KCNQ3: variants seen among roughly 807,000 people sequenced by gnomAD.
The protein encoded by KCNQ3 is potassium voltage-gated channel subfamily Q member 3.
In KCNQ3, 30 loss-of-function variants were observed where a neutral mutation model predicts 92.5. The ratio of observed to expected loss-of-function variants is 0.32; its 90% CI spans 0.24 to 0.44. The LOEUF (loss-of-function observed/expected upper bound fraction) is 0.44. Ranked by LOEUF, KCNQ3 falls within the 20% of genes least tolerant of loss-of-function variation. The pLI is 1.00. For missense variants in KCNQ3, 913 were observed against 1,140.3 expected (o/e 0.80, Z 2.87); for synonymous variants, 450 against 468.8 (o/e 0.96, Z 0.52).
At position 132,445,735 on chromosome 8, in the gene KCNQ3, A is replaced by G. The variant is rs905357535; in HGVS notation, c.386+34412T>C. Among the ~76,000 whole-genome samples, 36 of 133,162 alleles carry G rather than the reference A, an allele frequency of 2.7e-4. No individual in the cohort carries two copies. The Admixed American group carries it at 3.4e-3, about 13-fold the overall frequency. The allele number at this position is 133,162 out of a possible 152,430, so 87.4% of individuals were successfully genotyped here. ...ATTTACTGAGCTCTTACTATGTGTC[A>G]GGCATTTCCCATACAGAATCCTATT... On this transcript the variant is annotated intron_variant, in intron 1 of 14. Coordinates refer to ENST00000388996, the MANE Select transcript of KCNQ3 (RefSeq NM_004519.4).
intron 1 of KCNQ3, among the ~76,000 whole-genome samples, chr8:132,289,739 A>G (rs1004508858): frequency 2.0e-5 from 3 of 152,176 alleles, no homozygotes; most frequent in South Asian, 2.1e-4. Flanking sequence ...AAATATATAA[A>G]TGAAAATATT....
At chr8:132,244,361 A>G (rs938328819) in intron 1 of KCNQ3, among the ~76,000 whole-genome samples, 1 of 152,050 alleles carries the variant, frequency 6.6e-6, no homozygotes, top group African/African-American at 2.4e-5. Flanking sequence ...TTTTTAAGAA[A>G]GAAAAAGAGA....
intron 1 of KCNQ3, among the ~76,000 whole-genome samples, chr8:132,293,852 TA>T (rs371431212): frequency 6.6e-6 from 1 of 152,302 alleles, no homozygotes; most frequent in Non-Finnish European, 1.5e-5. Flanking sequence ...CTTGCTCATG[TA>T]TCTTGGGATT....
chr8:132,305,711 A>C (rs1817397943), intron 1 of KCNQ3, among the ~76,000 whole-genome samples: 1 of 151,830 alleles, frequency 6.6e-6, no homozygotes, highest in South Asian at 2.1e-4. Context: ...CCCCTTCTTT[A>C]TGAGCTCCAA....
intron 1 of KCNQ3, among the ~76,000 whole-genome samples, chr8:132,359,602 A>G (rs1227269009): frequency 6.6e-6 from 1 of 152,180 alleles, no homozygotes; most frequent in Non-Finnish European, 1.5e-5. Flanking sequence ...CCAGAAAGAG[A>G]GTCCTTGGGG....
chr8:132,384,115 C>G (rs1357476130), intron 1 of KCNQ3, among the ~76,000 whole-genome samples: 1 of 152,168 alleles, frequency 6.6e-6, no homozygotes, highest in Non-Finnish European at 1.5e-5. Flanking sequence ...GAAGGCTTCT[C>G]TGCCCTAAGA....
rs530975648 is a variant in KCNQ3, at chr8:132,323,360, G to A, written c.387-137179C>T. On this transcript the variant is annotated intron_variant, in intron 1 of 14. Coordinates refer to ENST00000388996, the MANE Select transcript of KCNQ3 (RefSeq NM_004519.4). ...CATTTGCAAAGTTTTACTGGAAGACGGCCATGCCATTCATTTACACATTTT... is the reference window on the plus strand; with the variant it reads ...CATTTGCAAAGTTTTACTGGAAGACAGCCATGCCATTCATTTACACATTTT... Among the ~76,000 whole-genome samples the A allele has an allele frequency of 1.7e-3, 253 of 152,264 alleles. 1 individual carries two copies. The highest frequency in any genetic ancestry group is 5.4e-3 in the African/African-American group (224 of 41,554).
chr8:132,374,265 A>G (rs1457438648), intron 1 of KCNQ3, among the ~76,000 whole-genome samples: 1 of 152,090 alleles, frequency 6.6e-6, no homozygotes, highest in Non-Finnish European at 1.5e-5. Context: ...CCCCTTTCTC[A>G]TGGTGATGTT....
At chr8:132,379,742 A>G (rs1819696427) in intron 1 of KCNQ3, among the ~76,000 whole-genome samples, 1 of 152,168 alleles carries the variant, frequency 6.6e-6, no homozygotes. Context: ...GCAGACAGCT[A>G]TTTATTCATC....
chr8:132,216,293 G>C (rs1194201205), intron 1 of KCNQ3, among the ~76,000 whole-genome samples: 2 of 152,316 alleles, frequency 1.3e-5, no homozygotes, highest in Admixed American at 6.5e-5. Context: ...TGCTACATGC[G>C]CAAGTGTTTT....
chr8:132,163,367 G>A (rs920249498), intron 9 of KCNQ3, 101 bp downstream of exon 9: 2 of 958,368 alleles, frequency 2.1e-6, no homozygotes, highest in East Asian at 2.4e-5. Context: ...ACTCTATCTT[G>A]GGACCAGCAT....
At chr8:132,239,692 A>G (rs1814925611) in intron 1 of KCNQ3, among the ~76,000 whole-genome samples, 3 of 152,198 alleles carry the variant, frequency 2.0e-5, no homozygotes, top group Non-Finnish European at 2.9e-5. Context: ...CAGACCCCAT[A>G]TATGACCAAT....
At chr8:132,301,726 A>G (rs1422750030) in intron 1 of KCNQ3, among the ~76,000 whole-genome samples, 2 of 152,036 alleles carry the variant, frequency 1.3e-5, no homozygotes, top group African/African-American at 4.8e-5. Context: ...ACTCACTGAG[A>G]TGGGGATACA....
intron 1 of KCNQ3, among the ~76,000 whole-genome samples, chr8:132,211,952 CAAAAAAA>C (rs200457183): frequency 3.2e-5 from 2 of 62,688 alleles, no homozygotes; most frequent in East Asian, 4.5e-4. Context: ...GACTCCATCT[CAAAAAAA>C]AAAAAAAAAA....
chr8:132,285,450 T>C (rs1479918805), intron 1 of KCNQ3, among the ~76,000 whole-genome samples: 1 of 152,216 alleles, frequency 6.6e-6, no homozygotes, highest in East Asian at 1.9e-4. Context: ...GCCCTAGGGC[T>C]TTGTAGAAGG....
intron 1 of KCNQ3, among the ~76,000 whole-genome samples, chr8:132,296,465 G>A (rs879785469): frequency 7.2e-5 from 11 of 152,002 alleles, no homozygotes; most frequent in Non-Finnish European, 1.0e-4. Flanking sequence ...ATGTATACAT[G>A]TGCCATGTTG....
At chr8:132,147,274 A>C (rs1345399856) in intron 9 of KCNQ3, among the ~76,000 whole-genome samples, 2 of 152,180 alleles carry the variant, frequency 1.3e-5, no homozygotes, top group African/African-American at 2.4e-5. Flanking sequence ...AGATTGATAA[A>C]TAACCACCCC....
intron 1 of KCNQ3, among the ~76,000 whole-genome samples, chr8:132,307,984 C>T (rs565969565): frequency 7.9e-5 from 12 of 152,130 alleles, no homozygotes; most frequent in Admixed American, 2.0e-4. Flanking sequence ...CTCTGGTCCC[C>T]GGAGGATGGC....
chr8:132,140,271 A>C, intron 10 of KCNQ3, 93 bp from the exon 11 acceptor site: 1 of 789,746 alleles, frequency 1.3e-6, no homozygotes, highest in Non-Finnish European at 2.2e-6. Flanking sequence ...ACGCCTCTGG[A>C]TGTGTCAATC....
Sources: gnomAD v4.1 joint callset for allele counts (sites outside exome capture counted in the v4.1 genomes callset) on GRCh38, gnomAD v4.1.1 for gene constraint, MANE v1.5 for transcripts, NCBI Gene and HGNC (gene_info 2026-07-23, HGNC 2026-07-21) for gene names.